The following IL1RAPL1 variants were observed in gnomAD, a reference collection of about 807,000 sequenced individuals.
IL1RAPL1 encodes interleukin 1 receptor accessory protein like 1, also known as interleukin-1 receptor accessory protein-like 1.
In IL1RAPL1, 3 loss-of-function variants were observed where a neutral mutation model predicts 48.4. The observed-to-expected ratio is 0.06, with a 90% CI of 0.03 to 0.16. IL1RAPL1 has a LOEUF of 0.16. Ranked by LOEUF, IL1RAPL1 falls within the 10% of genes least tolerant of loss-of-function variation. The pLI is 1.00. For synonymous variants in IL1RAPL1, 185 were observed against 187.7 expected, an observed-to-expected ratio of 0.99 and a Z score of 0.12; for missense variants, 349 against 530.6, an observed-to-expected ratio of 0.66 and a Z score of 3.36.
At chrX:29,399,645 C>G (rs1040536834) in intron 5 of IL1RAPL1, among the ~76,000 whole-genome samples, 1 of 110,295 alleles carries the variant, frequency 9.1e-6, no homozygotes. Context: ...ATGGTGAAAC[C>G]CTGTGTCTAC....
At chrX:29,784,725 T>G (rs1242910032) in intron 6 of IL1RAPL1, among the ~76,000 whole-genome samples, 1 of 109,760 alleles carries the variant, frequency 9.1e-6, no homozygotes, top group Non-Finnish European at 1.9e-5. Flanking sequence ...CTGAGAGGAA[T>G]GGTTGGAAAA....
chrX:29,889,611 G>T (rs755168984), intron 6 of IL1RAPL1, among the ~76,000 whole-genome samples: 1 of 111,773 alleles, frequency 8.9e-6, no homozygotes, highest in East Asian at 2.8e-4. Context: ...GAAGATATAT[G>T]TGTATGTGCG....
intron 5 of IL1RAPL1, among the ~76,000 whole-genome samples, chrX:29,560,803 T>G (rs1054826298): frequency 8.9e-6 from 1 of 112,375 alleles, no homozygotes; most frequent in African/African-American, 3.2e-5. Flanking sequence ...TGTACCTCAC[T>G]GAGCTTTTTG....
intron 5 of IL1RAPL1, among the ~76,000 whole-genome samples, chrX:29,593,940 C>A (rs1219768503): frequency 8.9e-6 from 1 of 111,752 alleles, no homozygotes; most frequent in African/African-American, 3.3e-5. Context: ...GAACATTGTT[C>A]ACTCTCTATT....
intron 2 of IL1RAPL1, among the ~76,000 whole-genome samples, chrX:28,968,028 G>A (rs940106098): frequency 9.0e-5 from 10 of 111,129 alleles, no homozygotes; most frequent in Non-Finnish European, 1.9e-4. Context: ...AGGGCAGTGC[G>A]GCCAGATGGC....
At chrX:29,714,907 A>G (rs1256660185) in intron 6 of IL1RAPL1, among the ~76,000 whole-genome samples, 2 of 111,647 alleles carry the variant, frequency 1.8e-5, no homozygotes, top group Non-Finnish European at 1.9e-5. Flanking sequence ...TTCATTTCAA[A>G]AACAGGGAAT....
chrX:29,163,151 G>C (rs1030242154), intron 2 of IL1RAPL1, among the ~76,000 whole-genome samples: 1 of 111,368 alleles, frequency 9.0e-6, no homozygotes, highest in Non-Finnish European at 1.9e-5. Context: ...AGTTAGAGCT[G>C]TTGTGGTTCA....
chrX:29,852,465 A>G (rs934779824), intron 6 of IL1RAPL1, among the ~76,000 whole-genome samples: 2 of 112,063 alleles, frequency 1.8e-5, no homozygotes, highest in African/African-American at 6.5e-5. Context: ...CTTGCCTTTC[A>G]TCTAACTTTG....
intron 5 of IL1RAPL1, among the ~76,000 whole-genome samples, chrX:29,534,370 C>T (rs919900145): frequency 2.7e-5 from 3 of 111,643 alleles, no homozygotes; most frequent in South Asian, 3.7e-4. Flanking sequence ...CTAGAGTTAT[C>T]GTAATACCAT....
At chrX:29,707,260 T>A (rs1269609423) in intron 6 of IL1RAPL1, among the ~76,000 whole-genome samples, 1 of 111,031 alleles carries the variant, frequency 9.0e-6, no homozygotes, top group East Asian at 2.8e-4. Context: ...CCTGCAGGAA[T>A]GTTCATAAAC....
intron 1 of IL1RAPL1, among the ~76,000 whole-genome samples, chrX:28,633,020 C>G (rs1043510105): frequency 1.8e-5 from 2 of 108,245 alleles, no homozygotes; most frequent in Admixed American, 1.0e-4. Flanking sequence ...TCTTGAGTAG[C>G]TGGGACTACA....
chrX:28,771,301 T>A (rs747983725), intron 1 of IL1RAPL1, among the ~76,000 whole-genome samples: 4 of 112,278 alleles, frequency 3.6e-5, no homozygotes, highest in Non-Finnish European at 5.6e-5. Context: ...AATTAGAATC[T>A]GCAGCTTTTG....
chrX:29,910,850 A>G (rs761697531), intron 6 of IL1RAPL1, among the ~76,000 whole-genome samples: 164 of 111,665 alleles, frequency 1.5e-3, no homozygotes, highest in Non-Finnish European at 2.8e-3. Flanking sequence ...GATGGCTATA[A>G]TCAAAGCGAC....
chrX:29,090,883 A>C (rs1356533724), intron 2 of IL1RAPL1, among the ~76,000 whole-genome samples: 1 of 112,446 alleles, frequency 8.9e-6, no homozygotes, highest in Non-Finnish European at 1.9e-5. Flanking sequence ...ATAGAGGCTG[A>C]GAACTTTCTC....
chrX:28,715,234 TA>T (rs1311064760), intron 1 of IL1RAPL1, among the ~76,000 whole-genome samples: 11 of 112,174 alleles, frequency 9.8e-5, no homozygotes, highest in Non-Finnish European at 1.9e-4. Context: ...AACTAAAGAC[TA>T]AGGAATTCAC....
chrX:28,646,746 C>A (rs894670120), intron 1 of IL1RAPL1, among the ~76,000 whole-genome samples: 27 of 112,437 alleles, frequency 2.4e-4, no homozygotes, highest in Non-Finnish European at 3.9e-4. Context: ...GTAGCAATTT[C>A]AATTTGTCAC....
intron 4 of IL1RAPL1, 49 bp downstream of exon 4, chrX:29,396,493 T>C: frequency 1.8e-6 from 2 of 1,095,274 alleles, no homozygotes; most frequent in African/African-American, 3.6e-5. Flanking sequence ...TAATTGTGCC[T>C]TATATTCTGG....
At chrX:29,013,212 A>C (rs1214782699) in intron 2 of IL1RAPL1, among the ~76,000 whole-genome samples, 1 of 110,115 alleles carries the variant, frequency 9.1e-6, no homozygotes, top group Non-Finnish European at 1.9e-5. Flanking sequence ...AAAAAAAAAA[A>C]CAATAGATGC....
intron 2 of IL1RAPL1, among the ~76,000 whole-genome samples, chrX:28,843,285 A>C (rs1015883211): frequency 5.0e-5 from 5 of 100,853 alleles, no homozygotes; most frequent in Non-Finnish European, 1.0e-4. Context: ...AAATTTATTT[A>C]TTTTCTGTCT....
Sources: gnomAD v4.1 joint callset for allele counts (sites outside exome capture counted in the v4.1 genomes callset) on GRCh38, gnomAD v4.1.1 for gene constraint, MANE v1.5 for transcripts, NCBI Gene and HGNC (gene_info 2026-07-23, HGNC 2026-07-21) for gene names.